The following GRIA3 variants were observed in gnomAD, a reference collection of about 807,000 sequenced individuals.
GRIA3 encodes glutamate receptor 3.
A neutral mutation model predicts 63.0 loss-of-function variants in GRIA3; 3 were observed. The ratio of observed to expected loss-of-function variants is 0.05; its 90% CI spans 0.02 to 0.12. The LOEUF (loss-of-function observed/expected upper bound fraction) is 0.12, where lower values mean the gene tolerates loss of function less well. Ranked by LOEUF, GRIA3 falls within the 10% of genes least tolerant of loss-of-function variation. The pLI, the probability that GRIA3 is intolerant of heterozygous loss-of-function variation, is 1.00. For synonymous variants in GRIA3, 274 were observed against 257.9 expected, an observed-to-expected ratio of 1.06 and a Z score of -0.60; for missense variants, 347 against 700.9, an observed-to-expected ratio of 0.50 and a Z score of 5.70.
rs758375598 is a variant in GRIA3 at position 123,306,221 on chromosome X, C to T, written c.509-19805C>T. Among the ~76,000 whole-genome samples, 13 of 111,845 alleles carry T rather than the reference C, an allele frequency of 1.2e-4. No homozygotes were observed. In the Admixed American group the frequency reaches 1.2e-3, roughly 11 times the overall value. ...GATCTTTAATATTATACAGTCACTACTCTAGCTTTATCTAAGGCTTTATGA... is the reference window on the plus strand; with the variant it reads ...GATCTTTAATATTATACAGTCACTATTCTAGCTTTATCTAAGGCTTTATGA... On this transcript the variant is annotated intron_variant, in intron 3 of 15. Coordinates refer to ENST00000620443, the MANE Select transcript of GRIA3 (RefSeq NM_007325.5).
intron 2 of GRIA3, among the ~76,000 whole-genome samples, chrX:123,237,446 C>T (rs1482888174): frequency 8.9e-6 from 1 of 111,878 alleles, no homozygotes; most frequent in Admixed American, 9.4e-5. Flanking sequence ...CCAGTCACTG[C>T]GTTCCAATAT....
intron 5 of GRIA3, among the ~76,000 whole-genome samples, chrX:123,364,743 G>A (rs2045199210): frequency 8.9e-6 from 1 of 112,517 alleles, no homozygotes; most frequent in African/African-American, 3.2e-5. Context: ...ATGGATAAAG[G>A]AAATGTGGTA....
chrX:123,293,802 T>C (rs2044669690), intron 3 of GRIA3, among the ~76,000 whole-genome samples: 1 of 110,865 alleles, frequency 9.0e-6, no homozygotes, highest in African/African-American at 3.3e-5. Flanking sequence ...GCACCTCACG[T>C]ACATTAACTC....
intron 12 of GRIA3, among the ~76,000 whole-genome samples, chrX:123,435,774 A>T (rs2045640872): frequency 8.9e-6 from 1 of 112,231 alleles, no homozygotes; most frequent in South Asian, 3.7e-4. Context: ...TCATGTGTGT[A>T]GATGAAACTA....
rs1181280137 is a variant in GRIA3, at chrX:123,232,430, T to C, written c.269-20873T>C. 4.5e-5 allele frequency among the ~76,000 whole-genome samples: 5 copies of C among 111,625 alleles called. No homozygotes were observed. In the Admixed American group the frequency reaches 4.7e-4, roughly 11 times the overall value. ...TGTTAAAAAGAAAGCAGAATGGTGG[T>C]TGCCAGGGGATAAGGGAAGAGGGAA... On this transcript the variant is annotated intron_variant, in intron 2 of 15. Coordinates refer to ENST00000620443, the MANE Select transcript of GRIA3 (RefSeq NM_007325.5).
At chrX:123,221,094 T>C (rs191924173) in intron 2 of GRIA3, among the ~76,000 whole-genome samples, 5 of 112,448 alleles carry the variant, frequency 4.4e-5, no homozygotes, top group African/African-American at 1.6e-4. Context: ...TGATCCCCCT[T>C]AAATAACAAG....
rs776087543 is a variant in GRIA3 at position 123,342,208 on chromosome X, T to C, written c.697-12702T>C. On this transcript the variant is annotated intron_variant, in intron 4 of 15. Transcript: ENST00000620443. ...CCCCTGCTTTTGAAAGGTATAGCTA[T>C]AGCTAATAACCTTTACTTTGGGCTT... Among the ~76,000 whole-genome samples, 3 of 112,437 alleles carry C rather than the reference T, an allele frequency of 2.7e-5. No individual in the cohort carries two copies. In the Admixed American group the frequency reaches 2.8e-4, roughly 11 times the overall value.
chrX:123,310,997 T>C (rs768560189), intron 3 of GRIA3, among the ~76,000 whole-genome samples: 8 of 45,249 alleles, frequency 1.8e-4, no homozygotes, highest in African/African-American at 1.7e-4. Flanking sequence ...AGTGAGAATC[T>C]GTCAAAAAAA....
chrX:123,226,657 A>G (rs2044248856), intron 2 of GRIA3, among the ~76,000 whole-genome samples: 1 of 111,823 alleles, frequency 8.9e-6, no homozygotes, highest in Non-Finnish European at 1.9e-5. Flanking sequence ...TGGACTCTGA[A>G]AGAAAAATTA....
In GRIA3 at chrX:123,457,522, C is replaced by T. The variant is rs1359100960; in HGVS notation, c.2077-7343C>T. ...AAAATAATTACATGCATAAAGCTGGCCCATTTTCCTTTGAGGAACACTGGA... is the reference window on the plus strand; with the variant it reads ...AAAATAATTACATGCATAAAGCTGGTCCATTTTCCTTTGAGGAACACTGGA... On this transcript the variant is annotated intron_variant, in intron 12 of 15. Coordinates refer to ENST00000620443, the MANE Select transcript of GRIA3 (RefSeq NM_007325.5). Among the ~76,000 whole-genome samples the T allele has an allele frequency of 7.1e-5, 8 of 111,898 alleles. No homozygotes were observed. The East Asian group carries it at 2.2e-3, about 31-fold the overall frequency.
At chrX:123,251,547 TGCCTCA>T (rs1337881894) in intron 2 of GRIA3, among the ~76,000 whole-genome samples, 1 of 111,497 alleles carries the variant, frequency 9.0e-6, no homozygotes, top group African/African-American at 3.3e-5. Context: ...GCGATTCTCC[TGCCTCA>T]GCCTCCCGAG....
intron 2 of GRIA3, among the ~76,000 whole-genome samples, chrX:123,253,069 T>C (rs1046460448): frequency 9.0e-6 from 1 of 111,237 alleles, no homozygotes; most frequent in African/African-American, 3.3e-5. Flanking sequence ...CACCTCTATT[T>C]TTCCCACATT....
intron 3 of GRIA3, among the ~76,000 whole-genome samples, chrX:123,283,557 G>C (rs1032806494): frequency 1.8e-5 from 2 of 111,145 alleles, no homozygotes; most frequent in African/African-American, 6.5e-5. Context: ...GAGCTTGGTG[G>C]GGGGAGGGGC....
chrX:123,398,709 T>A lies in GRIA3; in HGVS notation c.986T>A (p.Val329Glu). ...EAFRYLRRQRVDVSRRGSAGD... is the reference protein window; with the variant it reads ...EAFRYLRRQREDVSRRGSAGD... ...TTCCGCTACCTGAGGAGGCAGCGAGTAGATGTGTCCCGGAGAGGAAGTGCT... is the reference window on the plus strand; with the variant it reads ...TTCCGCTACCTGAGGAGGCAGCGAGAAGATGTGTCCCGGAGAGGAAGTGCT... Residue 329 changes from valine to glutamate, a missense_variant, in exon 7 of 16, where the codon GTA (valine) becomes GAA (glutamate). Physicochemically the swap from Val to Glu is moderately radical, Grantham distance 121 (BLOSUM62 -2). This residue lies in a region of GRIA3 where 65 missense variants were observed against 145.8 expected (regional missense o/e 0.45). Coordinates refer to ENST00000620443, the MANE Select transcript of GRIA3 (RefSeq NM_007325.5). The A allele has an allele frequency of 8.3e-7, 1 of 1,206,283 alleles. No homozygotes were observed. The highest frequency in any genetic ancestry group is 1.1e-6 in the Non-Finnish European group (1 of 891,080).
intron 2 of GRIA3, 30 bp downstream of exon 2, chrX:123,186,020 G>A: frequency 8.7e-7 from 1 of 1,146,268 alleles, no homozygotes; most frequent in Admixed American, 2.2e-5. Flanking sequence ...CTCCCTTTGG[G>A]ACGTTGGGGA....
intron 15 of GRIA3, among the ~76,000 whole-genome samples, chrX:123,487,617 T>G (rs1305583117): frequency 8.9e-6 from 1 of 112,123 alleles, no homozygotes; most frequent in African/African-American, 3.2e-5. Context: ...CATTTAAAAG[T>G]GGAAACAGAG....
chrX:123,192,672 T>C lies in GRIA3; in HGVS notation c.268+6682T>C, dbSNP rs185414089. Reference sequence around the variant, plus strand: ...AACCGTCACTGGCTTCTTAAGCAATTATCCTCAACACAACCATCATTTGTC... The same window carrying C: ...AACCGTCACTGGCTTCTTAAGCAATCATCCTCAACACAACCATCATTTGTC... On this transcript the variant is annotated intron_variant, in intron 2 of 15. Transcript: ENST00000620443. Among the ~76,000 whole-genome samples, 13 of 111,806 alleles carry C rather than the reference T, an allele frequency of 1.2e-4. 1 individual carries two copies. Among genetic ancestry groups the C allele is most frequent in the African/African-American group, 3.9e-4 (12 of 30,767 alleles).
chrX:123,219,288 G>T (rs1928235634), intron 2 of GRIA3, among the ~76,000 whole-genome samples: 1 of 112,402 alleles, frequency 8.9e-6, no homozygotes, highest in Non-Finnish European at 1.9e-5. Flanking sequence ...TCTTAACTGA[G>T]TCTGAGGCAA....
At chrX:123,398,312 T>C (rs1377626854) in intron 6 of GRIA3, among the ~76,000 whole-genome samples, 1 of 112,201 alleles carries the variant, frequency 8.9e-6, no homozygotes, top group African/African-American at 3.2e-5. Context: ...TGCCATCCTT[T>C]AACTTCACAC....
Sources: gnomAD v4.1 joint callset for allele counts (sites outside exome capture counted in the v4.1 genomes callset) on GRCh38, gnomAD v4.1.1 for gene constraint, gnomAD v4.1.1 regional missense constraint, MANE v1.5 for transcripts, NCBI Gene and HGNC (gene_info 2026-07-23, HGNC 2026-07-21) for gene names.